MYL11: variants seen among roughly 807,000 people sequenced by gnomAD.
MYL11 encodes myosin regulatory light chain 11.
the MYL11 span, chr16:30,376,308 C>T: frequency 5.8e-6 from 9 of 1,555,924 alleles, no homozygotes; most frequent in East Asian, 1.3e-4. Flanking sequence ...GTCAGCTCCA[C>T]CTTGGGCCTC....
the MYL11 span, chr16:30,376,120 C>G: frequency 1.9e-6 from 3 of 1,609,384 alleles, no homozygotes; most frequent in Non-Finnish European, 2.5e-6. Context: ...GGGGACCTAA[C>G]CCTCCCCACC....
the MYL11 span, among the ~76,000 whole-genome samples, chr16:30,374,536 C>T: frequency 1.3e-5 from 2 of 152,186 alleles, no homozygotes; most frequent in Non-Finnish European, 2.9e-5. Flanking sequence ...GGTTGCGTCC[C>T]CTCTAAACTC....
chr16:30,374,810 G>C, the MYL11 span: 1 of 1,610,836 alleles, frequency 6.2e-7, no homozygotes, highest in Non-Finnish European at 8.5e-7. Flanking sequence ...CTGACTCCTT[G>C]CTTCTTTCCA....
At chr16:30,373,233 G>A in the MYL11 span, among the ~76,000 whole-genome samples, 3 of 152,092 alleles carry the variant, frequency 2.0e-5, no homozygotes, top group Non-Finnish European at 2.9e-5. Context: ...CGAGACGGGT[G>A]GATCATCTGA....
the MYL11 span, among the ~76,000 whole-genome samples, chr16:30,372,148 C>T: frequency 6.6e-6 from 1 of 152,110 alleles, no homozygotes; most frequent in Non-Finnish European, 1.5e-5. Flanking sequence ...TTTTGGAGTC[C>T]TCCTCCTCTC....
the MYL11 span, among the ~76,000 whole-genome samples, chr16:30,376,982 G>A: frequency 6.6e-4 from 100 of 152,300 alleles, no homozygotes; most frequent in Middle Eastern, 6.8e-3. Flanking sequence ...GGAGGCCAAG[G>A]CGGGCGGATC....
the MYL11 span, chr16:30,377,990 T>C: frequency 7.4e-7 from 1 of 1,344,834 alleles, no homozygotes; most frequent in South Asian, 1.3e-5. Flanking sequence ...CTTTGTTTCT[T>C]ATGGGCGGCG....
chr16:30,372,030 A>G, the MYL11 span, among the ~76,000 whole-genome samples: 1 of 151,788 alleles, frequency 6.6e-6, no homozygotes, highest in Admixed American at 6.6e-5. Context: ...CTCACTCCCA[A>G]CTCAGCCCCA....
the MYL11 span, chr16:30,372,496 T>C: frequency 3.3e-5 from 5 of 151,952 alleles, no homozygotes; most frequent in African/African-American, 1.2e-4. Context: ...CCACTATTTT[T>C]CCAGACTTCT....
the MYL11 span, chr16:30,376,457 C>T: frequency 6.2e-7 from 1 of 1,614,056 alleles, no homozygotes; most frequent in Non-Finnish European, 8.5e-7. Context: ...AGTTGGATGC[C>T]ATGATGAAGG....
the MYL11 span, among the ~76,000 whole-genome samples, chr16:30,375,290 C>A: frequency 1.3e-5 from 2 of 152,024 alleles, no homozygotes; most frequent in East Asian, 1.9e-4. Flanking sequence ...ACAGGCGAAA[C>A]CCCGTCTCTA....
the MYL11 span, chr16:30,376,494 G>A: frequency 3.0e-5 from 48 of 1,614,090 alleles, no homozygotes; most frequent in South Asian, 1.5e-4. Context: ...CAACTTCACC[G>A]TCTTCCTGAC....
At chr16:30,377,487 C>G in the MYL11 span, 2 of 589,516 alleles carry the variant, frequency 3.4e-6, no homozygotes, top group Admixed American at 3.5e-5. Context: ...ATTTTCACAG[C>G]AAATGTGGGC....
the MYL11 span, chr16:30,377,935 G>A: frequency 3.2e-6 from 5 of 1,577,602 alleles, no homozygotes; most frequent in Non-Finnish European, 4.3e-6. Context: ...CGACGCTTCT[G>A]TTCGGCCCGA....
chr16:30,376,284 T>A, the MYL11 span: 3 of 1,587,068 alleles, frequency 1.9e-6, no homozygotes. Flanking sequence ...TCAGTGGCCT[T>A]GGGTTCCAGC....
At chr16:30,373,531 G>C in the MYL11 span, among the ~76,000 whole-genome samples, 2 of 151,822 alleles carry the variant, frequency 1.3e-5, no homozygotes, top group African/African-American at 4.8e-5. Flanking sequence ...GGGAGGCGGA[G>C]GTTACAGTGA....
chr16:30,376,325 C>A, the MYL11 span: 3 of 1,545,244 alleles, frequency 1.9e-6, no homozygotes, highest in South Asian at 3.5e-5. Flanking sequence ...CCTCAGTCTA[C>A]CCAGCTGAAA....
the MYL11 span, chr16:30,375,776 AG>A: frequency 6.6e-7 from 1 of 1,513,558 alleles, no homozygotes; most frequent in African/African-American, 1.4e-5. Context: ...AGAGAGGTGG[AG>A]GGACTGGTCC....
the MYL11 span, among the ~76,000 whole-genome samples, chr16:30,371,899 CCTCTTCTTTCTCTGA>C: frequency 6.6e-6 from 1 of 152,230 alleles, no homozygotes; most frequent in East Asian, 1.9e-4. Flanking sequence ...TTCTAAACGC[CCTCTTCTTTCTCTGA>C]CCCCCATATT....
Sources: gnomAD v4.1 joint callset for allele counts (sites outside exome capture counted in the v4.1 genomes callset) on GRCh38, gnomAD v4.1.1 for gene constraint, MANE v1.5 for transcripts, NCBI Gene and HGNC (gene_info 2026-07-23, HGNC 2026-07-21) for gene names.